SNTG1: variants seen among roughly 807,000 people sequenced by gnomAD.
SNTG1 encodes the protein syntrophin gamma 1.
In SNTG1, 39 loss-of-function variants were observed where a neutral mutation model predicts 74.7. That is an observed-to-expected ratio of 0.52 (90% CI 0.40 to 0.68). The LOEUF is 0.68. SNTG1 is among the 30% of genes least tolerant of loss of function. The pLI, the probability that SNTG1 is intolerant of heterozygous loss-of-function variation, is 0.00. For missense variants in SNTG1, 685 were observed against 609.5 expected (o/e 1.12, Z -1.30); for synonymous variants, 254 against 217.1 (o/e 1.17, Z -1.49).
intron 15 of SNTG1, among the ~76,000 whole-genome samples, chr8:50,675,323 G>T (rs963618940): frequency 1.3e-5 from 2 of 152,064 alleles, no homozygotes; most frequent in African/African-American, 4.8e-5. Context: ...CTAAGAACTT[G>T]ATTTATGAAT....
At chr8:50,387,097 C>A (rs2092587097) in intron 2 of SNTG1, among the ~76,000 whole-genome samples, 1 of 152,152 alleles carries the variant, frequency 6.6e-6, no homozygotes, top group Non-Finnish European at 1.5e-5. Flanking sequence ...CTTGCCAACA[C>A]CATAGGCCTC....
chr8:50,598,334 T>C (rs893881932), intron 13 of SNTG1, among the ~76,000 whole-genome samples: 17 of 151,960 alleles, frequency 1.1e-4, no homozygotes, highest in African/African-American at 4.1e-4. Flanking sequence ...CCCAACATTG[T>C]TATTGAAAAA....
intron 1 of SNTG1, among the ~76,000 whole-genome samples, chr8:49,973,548 G>A (rs1057331070): frequency 6.6e-6 from 1 of 151,780 alleles, no homozygotes; most frequent in Non-Finnish European, 1.5e-5. Flanking sequence ...TCTGGCTGAG[G>A]TCCAGATGAG....
intron 3 of SNTG1, among the ~76,000 whole-genome samples, chr8:50,401,426 C>G (rs560701275): frequency 6.6e-6 from 1 of 152,256 alleles, no homozygotes; most frequent in South Asian, 2.1e-4. Flanking sequence ...GTTCAGAAAT[C>G]TTTACAGTCT....
chr8:50,149,948 G>C (rs1273206183), intron 1 of SNTG1, among the ~76,000 whole-genome samples: 4 of 152,326 alleles, frequency 2.6e-5, no homozygotes, highest in Admixed American at 2.0e-4. Context: ...TTGGTAGCTT[G>C]ATGGGGATGG....
At chr8:50,578,387 T>A (rs2094588723) in intron 12 of SNTG1, among the ~76,000 whole-genome samples, 1 of 149,632 alleles carries the variant, frequency 6.7e-6, no homozygotes, top group South Asian at 2.1e-4. Context: ...ATAAAATAGA[T>A]TCTTGCTAGG....
chr8:50,542,758 A>G (rs762930813), intron 11 of SNTG1, among the ~76,000 whole-genome samples: 8 of 152,118 alleles, frequency 5.3e-5, no homozygotes, highest in Non-Finnish European at 1.2e-4. Flanking sequence ...AGCATTTGTT[A>G]TTGCCTGTCT....
intron 8 of SNTG1, among the ~76,000 whole-genome samples, chr8:50,473,395 T>A (rs951154254): frequency 1.3e-5 from 2 of 152,136 alleles, no homozygotes; most frequent in African/African-American, 2.4e-5. Flanking sequence ...CTCAGATATA[T>A]CTTTATAGCA....
At chr8:50,546,420 C>A in intron 11 of SNTG1, among the ~76,000 whole-genome samples, 1 of 151,808 alleles carries the variant, frequency 6.6e-6, no homozygotes, top group Admixed American at 6.6e-5. Flanking sequence ...TTAGGGTACA[C>A]GTGCACAACG....
At chr8:50,022,368 T>C (rs60600453) in intron 1 of SNTG1, among the ~76,000 whole-genome samples, 1,744 of 152,230 alleles carry the variant, frequency 0.011, 39 homozygotes, top group African/African-American at 0.038. Context: ...CAGCAAGGCT[T>C]GAGAAGGCAG....
intron 13 of SNTG1, among the ~76,000 whole-genome samples, chr8:50,634,022 G>T (rs2095022300): frequency 6.6e-6 from 1 of 152,010 alleles, no homozygotes; most frequent in Admixed American, 6.6e-5. Context: ...CCATATGCTG[G>T]GCTTGGGCTA....
At chr8:50,296,900 C>T (rs1222631376) in intron 2 of SNTG1, among the ~76,000 whole-genome samples, 1 of 152,164 alleles carries the variant, frequency 6.6e-6, no homozygotes, top group Non-Finnish European at 1.5e-5. Flanking sequence ...GTAGTAAGCG[C>T]AAGAAGTACT....
At chr8:50,022,046 A>T (rs1816872196) in intron 1 of SNTG1, among the ~76,000 whole-genome samples, 1 of 152,174 alleles carries the variant, frequency 6.6e-6, no homozygotes, top group African/African-American at 2.4e-5. Context: ...ATAGCAACAC[A>T]GTAATTCAAA....
rs1388281052 is a variant in SNTG1, at chr8:50,794,137, T to G, written c.*1308T>G. On this transcript the variant is annotated 3_prime_UTR_variant, in exon 19 of 19. Transcript: ENST00000642720. Reference sequence around the variant, plus strand: ...GTGTATGTAAAAAAAAAAAAAAATTTTTATTGATACACATGCTCCCAGGTA... The same window carrying G: ...GTGTATGTAAAAAAAAAAAAAAATTGTTATTGATACACATGCTCCCAGGTA... The G allele has an allele frequency of 6.6e-6, 1 of 151,846 alleles. No individual in the cohort carries two copies. The highest frequency in any genetic ancestry group is 1.5e-5 in the Non-Finnish European group (1 of 67,880). 9.4% of individuals were successfully genotyped at this position (151,846 alleles called of 1,614,324 possible).
chr8:50,553,363 T>C (rs1488278348), intron 12 of SNTG1, among the ~76,000 whole-genome samples, 184 bp downstream of exon 12: 1 of 152,164 alleles, frequency 6.6e-6, no homozygotes, highest in Non-Finnish European at 1.5e-5. Flanking sequence ...AGTTCAATAA[T>C]ACACATAGAT....
chr8:49,922,245 T>G (rs1806613914), intron 1 of SNTG1, among the ~76,000 whole-genome samples: 1 of 152,130 alleles, frequency 6.6e-6, no homozygotes, highest in Non-Finnish European at 1.5e-5. Context: ...AATTTCTCTC[T>G]CAATCACTCA....
intron 17 of SNTG1, among the ~76,000 whole-genome samples, chr8:50,749,572 C>G (rs1039488726): frequency 6.6e-6 from 1 of 151,972 alleles, no homozygotes; most frequent in Non-Finnish European, 1.5e-5. Flanking sequence ...TTCAAAACTT[C>G]AAAGGATAGG....
intron 1 of SNTG1, among the ~76,000 whole-genome samples, chr8:50,033,450 T>C (rs1817904253): frequency 6.6e-6 from 1 of 152,116 alleles, no homozygotes; most frequent in Admixed American, 6.5e-5. Flanking sequence ...TAATAATAAT[T>C]GATATATACC....
chr8:50,442,418 C>G (rs964979219), intron 5 of SNTG1, among the ~76,000 whole-genome samples: 9 of 152,038 alleles, frequency 5.9e-5, no homozygotes, highest in African/African-American at 2.2e-4. Flanking sequence ...CCTCCTTCCT[C>G]TCTTATTAGA....
Sources: gnomAD v4.1 joint callset for allele counts (sites outside exome capture counted in the v4.1 genomes callset) on GRCh38, gnomAD v4.1.1 for gene constraint, MANE v1.5 for transcripts, NCBI Gene and HGNC (gene_info 2026-07-23, HGNC 2026-07-21) for gene names.